Variants in C10orf90 observed in about 807,000 individuals in gnomAD.
C10orf90 encodes chromosome 10 open reading frame 90, also known as (E2-independent) E3 ubiquitin-conjugating enzyme FATS.
Under a neutral mutation model 62.5 loss-of-function variants are expected in C10orf90, and 56 were observed. The ratio of observed to expected loss-of-function variants is 0.90; its 90% CI spans 0.72 to 1.12. The LOEUF (loss-of-function observed/expected upper bound fraction) is 1.12, where lower values mean the gene tolerates loss of function less well. C10orf90 is among the 50% of genes most tolerant of loss of function. The pLI, the probability that C10orf90 is intolerant of heterozygous loss-of-function variation, is 0.00. For missense variants in C10orf90, 970 were observed against 880.4 expected, an observed-to-expected ratio of 1.10 and a Z score of -1.29; for synonymous variants, 386 against 340.4, an observed-to-expected ratio of 1.13 and a Z score of -1.47.
chr10:126,500,086 C>A (rs376356201), intron 4 of C10orf90, among the ~76,000 whole-genome samples: 2 of 152,188 alleles, frequency 1.3e-5, no homozygotes, highest in South Asian at 4.1e-4. Flanking sequence ...ACATTTTAAT[C>A]GCATAAAATG....
chr10:126,475,606 G>T (rs115182238), intron 4 of C10orf90, among the ~76,000 whole-genome samples: 2,269 of 151,940 alleles, frequency 0.015, 60 homozygotes, highest in African/African-American at 0.052. Flanking sequence ...GTAGCAAATG[G>T]GCATATGAGT....
chr10:126,658,273 G>A lies in C10orf90; in HGVS notation c.241-11636C>T, dbSNP rs538431452. Reference sequence around the variant, plus strand: ...TCTCTCTTACTCATGCTACTTCCCTGTATAGCCAGCCACTTATGCTGAAGT... The same window carrying A: ...TCTCTCTTACTCATGCTACTTCCCTATATAGCCAGCCACTTATGCTGAAGT... On this transcript the variant is annotated intron_variant, in intron 1 of 9. Coordinates refer to ENST00000488181, the MANE Select transcript of C10orf90 (RefSeq NM_001350921.2). Among the ~76,000 whole-genome samples the A allele has an allele frequency of 7.9e-5, 12 of 152,290 alleles. No individual in the cohort carries two copies. The South Asian group carries it at 1.7e-3, about 21-fold the overall frequency.
chr10:126,564,924 T>TACATAAA, intron 2 of C10orf90, among the ~76,000 whole-genome samples: 1 of 7,310 alleles, frequency 1.4e-4, no homozygotes, highest in African/African-American at 3.3e-4. Flanking sequence ...TTATATATAA[T>TACATAAA]ATATAAAATA....
intron 1 of C10orf90, among the ~76,000 whole-genome samples, chr10:126,661,639 C>A (rs941685970): frequency 6.6e-6 from 1 of 151,778 alleles, no homozygotes; most frequent in Non-Finnish European, 1.5e-5. Flanking sequence ...GCTGTCTCTC[C>A]CTCTCTGAAT....
chr10:126,555,028 G>A (rs1392299849), intron 2 of C10orf90, among the ~76,000 whole-genome samples: 1 of 152,102 alleles, frequency 6.6e-6, no homozygotes, highest in Non-Finnish European at 1.5e-5. Context: ...TTTATTCAGG[G>A]AAGACAATCT....
At chr10:126,601,092 C>G (rs1845189585) in intron 2 of C10orf90, among the ~76,000 whole-genome samples, 1 of 152,238 alleles carries the variant, frequency 6.6e-6, no homozygotes, top group Admixed American at 6.5e-5. Context: ...AAATAAAGCC[C>G]ACACAGAAAG....
intron 2 of C10orf90, among the ~76,000 whole-genome samples, chr10:126,572,352 C>T (rs773914404): frequency 6.6e-5 from 10 of 152,022 alleles, no homozygotes; most frequent in Non-Finnish European, 1.2e-4. Flanking sequence ...GGCGAGTCCA[C>T]AGTGCAAAGT....
chr10:126,604,230 C>T (rs554113359), intron 2 of C10orf90, among the ~76,000 whole-genome samples: 6 of 152,220 alleles, frequency 3.9e-5, no homozygotes, highest in East Asian at 1.9e-4. Context: ...GGTCTTCTGC[C>T]GGACTCATTC....
At chr10:126,494,494 G>GA (rs1425085997) in intron 4 of C10orf90, among the ~76,000 whole-genome samples, 4 of 151,994 alleles carry the variant, frequency 2.6e-5, no homozygotes, top group Non-Finnish European at 5.9e-5. Context: ...CACGACTCTG[G>GA]AAAAAAGAAA....
At chr10:126,659,806 T>C (rs1591181685) in intron 1 of C10orf90, among the ~76,000 whole-genome samples, 1 of 152,238 alleles carries the variant, frequency 6.6e-6, no homozygotes, top group Non-Finnish European at 1.5e-5. Context: ...ATGTAAGTAT[T>C]GAATCAAGGA....
chr10:126,622,343 G>C (rs562575001), intron 2 of C10orf90, among the ~76,000 whole-genome samples: 1 of 152,186 alleles, frequency 6.6e-6, no homozygotes. Context: ...CATCACCCCT[G>C]CCCACTGGTG....
At chr10:126,448,240 T>C (rs748332265) in intron 7 of C10orf90, among the ~76,000 whole-genome samples, 2 of 151,870 alleles carry the variant, frequency 1.3e-5, no homozygotes, top group Non-Finnish European at 2.9e-5. Flanking sequence ...TGAAAATTCA[T>C]AGATATGTGA....
chr10:126,642,330 A>G (rs570465752), intron 2 of C10orf90, among the ~76,000 whole-genome samples: 57 of 152,254 alleles, frequency 3.7e-4, no homozygotes, highest in Admixed American at 1.2e-3. Context: ...CGGGAGATCG[A>G]GACCATCCTG....
rs564548444 is a variant in C10orf90 at position 126,493,032 on chromosome 10, T to C, written c.1534+10925A>G. ...AAGCAGTTTAAATAAAGTTATACAA[T>C]GGAAGCTCACGTAGCCATTAAACGA... On this transcript the variant is annotated intron_variant, in intron 4 of 9. Transcript: ENST00000488181. Among the ~76,000 whole-genome samples the C allele has an allele frequency of 2.6e-5, 4 of 152,258 alleles. No homozygotes were observed. The East Asian group carries it at 7.7e-4, about 29-fold the overall frequency.
intron 4 of C10orf90, 52 bp from the exon 5 acceptor site, chr10:126,465,038 T>C (rs1236128317): frequency 6.4e-7 from 1 of 1,563,380 alleles, no homozygotes; most frequent in Non-Finnish European, 8.7e-7. Context: ...TCCAATCTAA[T>C]GTACTGACTT....
At chr10:126,655,698 G>C (rs1334117950) in intron 1 of C10orf90, among the ~76,000 whole-genome samples, 1 of 152,124 alleles carries the variant, frequency 6.6e-6, no homozygotes, top group East Asian at 1.9e-4. Flanking sequence ...GAAATACTTT[G>C]AAATCAAATA....
At chr10:126,648,766 A>C (rs1414425166) in intron 1 of C10orf90, among the ~76,000 whole-genome samples, 1 of 152,214 alleles carries the variant, frequency 6.6e-6, no homozygotes, top group Non-Finnish European at 1.5e-5. Flanking sequence ...AAACTGGCAT[A>C]GTGGAAATTT....
chr10:126,609,051 A>G (rs925233717), intron 2 of C10orf90, among the ~76,000 whole-genome samples: 35 of 152,144 alleles, frequency 2.3e-4, no homozygotes, highest in Admixed American at 2.1e-3. Context: ...TGGGCAAGAG[A>G]TTTCATCCTT....
intron 4 of C10orf90, among the ~76,000 whole-genome samples, chr10:126,470,923 C>T (rs1008058526): frequency 3.9e-5 from 6 of 152,110 alleles, no homozygotes; most frequent in Non-Finnish European, 8.8e-5. Context: ...ACTCTATTTC[C>T]TCACGTGGGA....
Sources: gnomAD v4.1 joint callset for allele counts (sites outside exome capture counted in the v4.1 genomes callset) on GRCh38, gnomAD v4.1.1 for gene constraint, MANE v1.5 for transcripts, NCBI Gene and HGNC (gene_info 2026-07-23, HGNC 2026-07-21) for gene names.